Variants in EXOC6B observed in about 807,000 individuals in gnomAD.
EXOC6B encodes exocyst complex component 6B.
EXOC6B carries 54 observed loss-of-function variants against 113.5 expected under a neutral mutation model. That is an observed-to-expected ratio of 0.48 (90% CI 0.38 to 0.60). EXOC6B has a LOEUF of 0.60. Ranked by LOEUF, EXOC6B falls within the 20% of genes least tolerant of loss-of-function variation. EXOC6B has a pLI of 0.00. For synonymous variants in EXOC6B, 357 were observed against 339.0 expected (o/e 1.05, Z -0.58); for missense variants, 797 against 977.5 (o/e 0.82, Z 2.46).
intron 1 of EXOC6B, among the ~76,000 whole-genome samples, chr2:72,803,401 G>A (rs1446107628): frequency 6.6e-6 from 1 of 151,984 alleles, no homozygotes; most frequent in Admixed American, 6.6e-5. Context: ...AAGATGTGAG[G>A]TTTATTCAAC....
chr2:72,379,989 T>A, intron 18 of EXOC6B, 119 bp from the exon 19 acceptor site: 2 of 864,970 alleles, frequency 2.3e-6, no homozygotes, highest in Non-Finnish European at 3.3e-6. Context: ...GTTCTCCTCA[T>A]CATAATACCC....
intron 18 of EXOC6B, among the ~76,000 whole-genome samples, chr2:72,431,620 G>A (rs953030696): frequency 6.6e-6 from 1 of 151,854 alleles, no homozygotes; most frequent in African/African-American, 2.4e-5. Flanking sequence ...CAAATTACAG[G>A]AGTGAGCCAC....
intron 8 of EXOC6B, among the ~76,000 whole-genome samples, chr2:72,554,822 G>A (rs1200159843): frequency 2.0e-5 from 3 of 151,958 alleles, no homozygotes; most frequent in African/African-American, 7.3e-5. Flanking sequence ...TTGTTACATA[G>A]CTATACACGT....
chr2:72,506,406 T>G (rs1700597377), intron 11 of EXOC6B, among the ~76,000 whole-genome samples: 1 of 152,124 alleles, frequency 6.6e-6, no homozygotes, highest in Non-Finnish European at 1.5e-5. Flanking sequence ...CAGATTAGAC[T>G]CTCCATCTTG....
chr2:72,525,193 T>C (rs759719024), intron 8 of EXOC6B, among the ~76,000 whole-genome samples: 1 of 152,238 alleles, frequency 6.6e-6, no homozygotes, highest in Non-Finnish European at 1.5e-5. Flanking sequence ...AAAGTAAACA[T>C]TATGATTAAC....
intron 18 of EXOC6B, among the ~76,000 whole-genome samples, chr2:72,436,083 G>C (rs1480550865): frequency 6.6e-6 from 1 of 152,180 alleles, no homozygotes; most frequent in Non-Finnish European, 1.5e-5. Flanking sequence ...GCTCTTGTAA[G>C]GCTGGTCTGG....
At chr2:72,246,664 T>C (rs566407825) in intron 20 of EXOC6B, among the ~76,000 whole-genome samples, 1 of 151,934 alleles carries the variant, frequency 6.6e-6, no homozygotes, top group Admixed American at 6.5e-5. Flanking sequence ...CCCACCACCA[T>C]GCAGGGTCTC....
At chr2:72,391,637 T>C (rs1055706563) in intron 18 of EXOC6B, among the ~76,000 whole-genome samples, 1 of 152,240 alleles carries the variant, frequency 6.6e-6, no homozygotes, top group Non-Finnish European at 1.5e-5. Flanking sequence ...TACTGCTTTG[T>C]ATCATTCTCT....
chr2:72,679,361 G>A (rs763166120), intron 6 of EXOC6B, among the ~76,000 whole-genome samples: 1 of 152,100 alleles, frequency 6.6e-6, no homozygotes, highest in Non-Finnish European at 1.5e-5. Context: ...CAGCCACCAT[G>A]CCCAGCCTAT....
intron 20 of EXOC6B, among the ~76,000 whole-genome samples, chr2:72,254,683 G>A (rs1683244151): frequency 2.6e-5 from 4 of 152,170 alleles, no homozygotes; most frequent in Admixed American, 2.6e-4. Context: ...AGCCTAGATT[G>A]AAGATATTCT....
At chr2:72,716,624 C>T (rs576387299) in intron 6 of EXOC6B, among the ~76,000 whole-genome samples, 1 of 152,170 alleles carries the variant, frequency 6.6e-6, no homozygotes, top group East Asian at 1.9e-4. Context: ...AGATTGAGTA[C>T]CATAGTAGAC....
intron 19 of EXOC6B, among the ~76,000 whole-genome samples, chr2:72,359,253 T>C (rs1690156586): frequency 6.6e-6 from 1 of 152,196 alleles, no homozygotes; most frequent in South Asian, 2.1e-4. Context: ...GGTAAAGTTT[T>C]TAGGAGGTGA....
At chr2:72,224,914 G>GTA (rs1484761220) in intron 20 of EXOC6B, among the ~76,000 whole-genome samples, 3 of 149,056 alleles carry the variant, frequency 2.0e-5, no homozygotes, top group Non-Finnish European at 4.5e-5. Flanking sequence ...ATATAGATGT[G>GTA]TATATATGTG....
At chr2:72,751,348 G>A (rs1682030238) in intron 1 of EXOC6B, among the ~76,000 whole-genome samples, 1 of 152,136 alleles carries the variant, frequency 6.6e-6, no homozygotes, top group Admixed American at 6.6e-5. Flanking sequence ...AAATTTTTCT[G>A]ATTGGCAACT....
rs200868918 is a variant in EXOC6B at position 72,606,631 on chromosome 2, C to CTTTT, written c.670-30964_670-30963insAAAA. Among the ~76,000 whole-genome samples the CTTTT allele has an allele frequency of 6.0e-3, 875 of 144,730 alleles. 23 individuals are homozygous for CTTTT. The highest frequency in any genetic ancestry group is 0.047 in the Admixed American group (674 of 14,316). The allele number at this position is 144,730 out of a possible 152,430, so 94.9% of individuals were successfully genotyped here. On this transcript the variant is annotated intron_variant, in intron 6 of 21. Coordinates refer to ENST00000272427, the MANE Select transcript of EXOC6B (RefSeq NM_015189.3). Reference sequence around the variant, plus strand: ...TAAATGCAGTATATTCACTTTCTTTCTTTCTTTTTTTTTTTTAGACAGGGT... The same window carrying CTTTT: ...TAAATGCAGTATATTCACTTTCTTTCTTTTTTTCTTTTTTTTTTTTAGACAGGGT...
intron 18 of EXOC6B, among the ~76,000 whole-genome samples, chr2:72,438,709 C>T (rs563188261): frequency 6.6e-6 from 1 of 152,262 alleles, no homozygotes; most frequent in East Asian, 1.9e-4. Flanking sequence ...AAATCACCTT[C>T]ATTATTATGG....
chr2:72,593,908 C>A (rs981743966), intron 6 of EXOC6B, among the ~76,000 whole-genome samples: 4 of 152,094 alleles, frequency 2.6e-5, no homozygotes, highest in Non-Finnish European at 5.9e-5. Context: ...TAGATAAAAA[C>A]CTTCCAACAA....
intron 6 of EXOC6B, among the ~76,000 whole-genome samples, chr2:72,634,494 GT>G (rs1219918305): frequency 2.6e-5 from 4 of 152,176 alleles, no homozygotes; most frequent in Non-Finnish European, 5.9e-5. Flanking sequence ...AAAGGGCAGA[GT>G]GGGGAGCTTG....
At chr2:72,617,524 T>C (rs866035627) in intron 6 of EXOC6B, among the ~76,000 whole-genome samples, 79 of 137,758 alleles carry the variant, frequency 5.7e-4, no homozygotes, top group African/African-American at 1.8e-3. Context: ...TTTCTTTTTT[T>C]TTTTTTTTTT....
Sources: gnomAD v4.1 joint callset for allele counts (sites outside exome capture counted in the v4.1 genomes callset) on GRCh38, gnomAD v4.1.1 for gene constraint, MANE v1.5 for transcripts, NCBI Gene and HGNC (gene_info 2026-07-23, HGNC 2026-07-21) for gene names.